The following PCDH11X variants were observed in gnomAD, a reference collection of about 807,000 sequenced individuals.
PCDH11X encodes protocadherin 11 X-linked.
Under a neutral mutation model 53.3 loss-of-function variants are expected in PCDH11X, and 18 were observed. The ratio of observed to expected loss-of-function variants is 0.34; its 90% confidence interval spans 0.23 to 0.50. The LOEUF is 0.50. PCDH11X is among the 20% of genes least tolerant of loss of function. The pLI, the probability that PCDH11X is intolerant of heterozygous loss-of-function variation, is 0.98. For synonymous variants in PCDH11X, 279 were observed against 393.3 expected (o/e 0.71, Z 3.44); for missense variants, 570 against 1,032.4 (o/e 0.55, Z 6.14).
At chrX:92,517,926 T>C (rs1476142126) in intron 10 of PCDH11X, among the ~76,000 whole-genome samples, 1 of 110,908 alleles carries the variant, frequency 9.0e-6, no homozygotes, top group African/African-American at 3.3e-5. Flanking sequence ...AATTGTTGAC[T>C]TCTGTGATTT....
intron 10 of PCDH11X, among the ~76,000 whole-genome samples, chrX:92,525,881 G>T (rs891478166): frequency 6.3e-5 from 7 of 110,654 alleles, no homozygotes; most frequent in Non-Finnish European, 9.4e-5. Context: ...CTTATTTTTT[G>T]CTCCAATTTT....
chrX:92,171,171 A>G (rs2065819694), intron 6 of PCDH11X, among the ~76,000 whole-genome samples: 2 of 104,280 alleles, frequency 1.9e-5, no homozygotes, highest in Non-Finnish European at 3.9e-5. Flanking sequence ...ATACTCATTT[A>G]TAGCACTGAG....
At chrX:91,944,322 GA>G (rs369442347) in intron 6 of PCDH11X, among the ~76,000 whole-genome samples, 1,856 of 74,770 alleles carry the variant, frequency 0.025, 29 homozygotes, top group African/African-American at 0.058. Context: ...CTATACTCCA[GA>G]AAAAAAAAAA....
chrX:92,285,473 G>A (rs1283088164), intron 8 of PCDH11X, among the ~76,000 whole-genome samples: 4 of 109,564 alleles, frequency 3.7e-5, no homozygotes, highest in East Asian at 2.9e-4. Context: ...GGCTGGTCGC[G>A]AACTCCTGAC....
intron 8 of PCDH11X, among the ~76,000 whole-genome samples, chrX:92,309,554 A>G (rs1011861090): frequency 8.9e-6 from 1 of 111,813 alleles, no homozygotes; most frequent in African/African-American, 3.2e-5. Context: ...GTTTGGAAAG[A>G]TAAAAATTCT....
chrX:92,296,082 C>CAAA (rs35158475), intron 8 of PCDH11X, among the ~76,000 whole-genome samples: 8 of 93,357 alleles, frequency 8.6e-5, no homozygotes, highest in South Asian at 5.0e-4. Flanking sequence ...AACTCTGTCT[C>CAAA]AAAAAAAAAA....
At chrX:92,339,157 A>T (rs1310669477) in intron 8 of PCDH11X, among the ~76,000 whole-genome samples, 1 of 112,325 alleles carries the variant, frequency 8.9e-6, no homozygotes, top group East Asian at 2.8e-4. Flanking sequence ...GGACAAAAAC[A>T]AGCCATGAAT....
At chrX:91,870,432 C>T (rs1423772143) in intron 5 of PCDH11X, among the ~76,000 whole-genome samples, 2 of 110,070 alleles carry the variant, frequency 1.8e-5, no homozygotes, top group Non-Finnish European at 3.8e-5. Flanking sequence ...CTATCATTTT[C>T]AAGAATCTTC....
chrX:92,053,265 C>G (rs2063392807), intron 6 of PCDH11X, among the ~76,000 whole-genome samples: 1 of 109,995 alleles, frequency 9.1e-6, no homozygotes, highest in Admixed American at 9.8e-5. Context: ...TCCTGAGGCA[C>G]AGGGTCCCAA....
At chrX:92,088,170 G>C (rs1171118175) in intron 6 of PCDH11X, among the ~76,000 whole-genome samples, 1 of 109,157 alleles carries the variant, frequency 9.2e-6, no homozygotes, top group Non-Finnish European at 1.9e-5. Flanking sequence ...TTAAAATGAA[G>C]AGATTATATA....
intron 6 of PCDH11X, among the ~76,000 whole-genome samples, chrX:92,016,260 A>G (rs1051635485): frequency 1.6e-4 from 18 of 110,181 alleles, no homozygotes; most frequent in Non-Finnish European, 3.0e-4. Flanking sequence ...GGGCCCTAGC[A>G]TTTTCAGAAT....
rs1003510022 is a variant in PCDH11X at position 91,810,219 on chromosome X, T to A, written c.-209-254T>A. The stretch of plus-strand genomic sequence containing the variant: ...TTCCAGTATACCCTACCTCCCAAAG[T>A]ATCAGGGATTTTTTGTTTTTTAATC... On this transcript the variant is annotated intron_variant, in intron 2 of 10. Coordinates refer to ENST00000682573, the MANE Select transcript of PCDH11X (RefSeq NM_032968.5). Among the ~76,000 whole-genome samples the A allele has an allele frequency of 8.1e-5, 9 of 111,113 alleles. No homozygotes were observed. In the South Asian group the frequency reaches 1.5e-3, roughly 19 times the overall value.
chrX:92,358,998 T>A (rs2070282680), intron 8 of PCDH11X, among the ~76,000 whole-genome samples: 1 of 108,934 alleles, frequency 9.2e-6, no homozygotes. Context: ...GCAGTATCTA[T>A]AGTGTACATT....
chrX:92,412,030 A>G, intron 9 of PCDH11X, among the ~76,000 whole-genome samples: 1 of 72,188 alleles, frequency 1.4e-5, no homozygotes, highest in Non-Finnish European at 2.6e-5. Context: ...AGGAGGGGTG[A>G]GGAGGAGGAG....
chrX:92,513,069 G>T (rs1158858353), intron 10 of PCDH11X, among the ~76,000 whole-genome samples: 2 of 110,026 alleles, frequency 1.8e-5, no homozygotes, highest in Admixed American at 9.8e-5. Flanking sequence ...ATTTAGGGTG[G>T]TGCTTATTCA....
chrX:91,883,643 A>G (rs1184295523), intron 6 of PCDH11X: 1 of 530,833 alleles, frequency 1.9e-6, no homozygotes, highest in Non-Finnish European at 2.3e-6. Context: ...ATCTCCACTA[A>G]AAATACAAAA....
intron 10 of PCDH11X, among the ~76,000 whole-genome samples, chrX:92,484,988 TTG>T (rs2073612471): frequency 9.0e-6 from 1 of 110,809 alleles, no homozygotes; most frequent in Non-Finnish European, 1.9e-5. Flanking sequence ...ATTTTTGAAA[TTG>T]TTTCTTTAAA....
chrX:92,273,928 T>C (rs1289985904), intron 8 of PCDH11X, among the ~76,000 whole-genome samples: 1 of 109,698 alleles, frequency 9.1e-6, no homozygotes, highest in African/African-American at 3.3e-5. Context: ...GAGTTTAGAG[T>C]GGCAGTTTGG....
At chrX:92,505,152 C>CTTTTTTTTT (rs58620449) in intron 10 of PCDH11X, among the ~76,000 whole-genome samples, 19 of 64,272 alleles carry the variant, frequency 3.0e-4, no homozygotes, top group African/African-American at 4.6e-4. Context: ...TTTCTTTTTT[C>CTTTTTTTTT]TTTTTTTTTT....
Sources: allele counts gnomAD v4.1 joint callset (sites outside exome capture counted in the v4.1 genomes callset), GRCh38; gene constraint gnomAD v4.1.1; transcripts MANE v1.5; gene names NCBI Gene and HGNC (gene_info 2026-07-23, HGNC 2026-07-21).